Variants in CD48 observed in about 807,000 individuals in gnomAD.
The protein encoded by CD48 is CD48 antigen.
A neutral mutation model predicts 22.0 loss-of-function variants in CD48; 20 were observed. The observed-to-expected ratio is 0.91, with a 90% confidence interval of 0.64 to 1.32. CD48 has a LOEUF of 1.32. Ranked by LOEUF, CD48 falls within the 40% of genes most tolerant of loss-of-function variation. The pLI, the probability that CD48 is intolerant of heterozygous loss-of-function variation, is 0.00. For missense variants in CD48, 307 were observed against 286.5 expected, an observed-to-expected ratio of 1.07 and a Z score of -0.52; for synonymous variants, 110 against 110.1, an observed-to-expected ratio of 1.00 and a Z score of 0.01.
intron 1 of CD48, among the ~76,000 whole-genome samples, chr1:160,694,569 G>A (rs1055551718): frequency 6.6e-6 from 1 of 152,050 alleles, no homozygotes; most frequent in Non-Finnish European, 1.5e-5. Flanking sequence ...CTGTGGGGTC[G>A]AGATTTGTTA....
chr1:160,689,608 A>G (rs1406664302), intron 1 of CD48, among the ~76,000 whole-genome samples: 1 of 152,198 alleles, frequency 6.6e-6, no homozygotes, highest in African/African-American at 2.4e-5. Context: ...GATTAGTTAG[A>G]TGGGTCTCCA....
At chr1:160,690,436 C>T (rs568993014) in intron 1 of CD48, among the ~76,000 whole-genome samples, 10 of 152,234 alleles carry the variant, frequency 6.6e-5, no homozygotes, top group East Asian at 1.9e-4. Context: ...TTTGGAAGTA[C>T]GAAGACCTGG....
chr1:160,688,671 G>A (rs1385215481), intron 1 of CD48, among the ~76,000 whole-genome samples: 3 of 152,120 alleles, frequency 2.0e-5, no homozygotes, highest in South Asian at 2.1e-4. Context: ...TCCAGACATG[G>A]CAATAGCCAA....
intron 1 of CD48, among the ~76,000 whole-genome samples, chr1:160,706,165 C>G (rs749358723): frequency 2.0e-5 from 3 of 152,066 alleles, no homozygotes; most frequent in Non-Finnish European, 4.4e-5. Flanking sequence ...ACCTCCACCC[C>G]CCAGGTTCAA....
At chr1:160,706,956 A>G (rs987201720) in intron 1 of CD48, among the ~76,000 whole-genome samples, 1 of 152,234 alleles carries the variant, frequency 6.6e-6, no homozygotes, top group Non-Finnish European at 1.5e-5. Context: ...AATAAAAATA[A>G]TAAAAACAAA....
At chr1:160,681,136 C>A (rs771834935) in intron 3 of CD48, 66 bp downstream of exon 3, 2 of 1,612,448 alleles carry the variant, frequency 1.2e-6, no homozygotes, top group Non-Finnish European at 1.7e-6. Flanking sequence ...GGACCCCCAG[C>A]CTTTCTTTGT....
At position 160,684,967 on chromosome 1, in the gene CD48, T is replaced by A. The variant is rs1191142357; in HGVS notation, c.305A>T (p.Glu102Val). ...CCTCATGATGTAGGTGCTGTTGTCC[T>A]CTTTCTGGACCTTAGAGATGTACAG... is the stretch of plus-strand genomic sequence containing the variant. Reference protein sequence around the residue: ...GALYISKVQKEDNSTYIMRVL... With the variant: ...GALYISKVQKVDNSTYIMRVL... Residue 102 changes from glutamate to valine, a missense_variant, in exon 2 of 4, where the codon GAG becomes GTG. Transcript: ENST00000368046. 6.2e-7 allele frequency: 1 copy of A among 1,614,182 alleles called. No homozygotes were observed. Among genetic ancestry groups the A allele is most frequent in the South Asian group, 1.1e-5 (1 of 91,084 alleles).
At chr1:160,690,063 T>C (rs947056341) in intron 1 of CD48, among the ~76,000 whole-genome samples, 1 of 152,160 alleles carries the variant, frequency 6.6e-6, no homozygotes, top group Non-Finnish European at 1.5e-5. Context: ...TTTGGACAAT[T>C]GGGTTTTTAA....
At chr1:160,691,796 ACTC>A (rs1465686152) in intron 1 of CD48, 5 of 338,632 alleles carry the variant, frequency 1.5e-5, no homozygotes, top group African/African-American at 2.2e-5. Flanking sequence ...GTGAAGGTAC[ACTC>A]GAGCGTGGTC....
At chr1:160,684,563 T>G in intron 2 of CD48, 1 of 623,490 alleles carries the variant, frequency 1.6e-6, no homozygotes, top group Non-Finnish European at 2.7e-6. Context: ...ATTTCGGAGA[T>G]ATAATCAAGA....
intron 1 of CD48, among the ~76,000 whole-genome samples, chr1:160,697,372 T>G (rs1168412835): frequency 6.6e-6 from 1 of 152,400 alleles, no homozygotes; most frequent in East Asian, 1.9e-4. Flanking sequence ...TAGAAGTATA[T>G]GTTAATGATA....
At chr1:160,698,859 C>T (rs911122729) in intron 1 of CD48, 1 of 152,562 alleles carries the variant, frequency 6.6e-6, no homozygotes, top group Non-Finnish European at 1.5e-5. Context: ...GATGGCCTCG[C>T]AAATCTTAAC....
chr1:160,706,642 A>T (rs141821201), intron 1 of CD48, among the ~76,000 whole-genome samples: 3 of 152,216 alleles, frequency 2.0e-5, no homozygotes, highest in African/African-American at 7.2e-5. Context: ...ATTTGGTGAT[A>T]TGTCTGGATG....
At chr1:160,693,963 C>G (rs187972668) in intron 1 of CD48, among the ~76,000 whole-genome samples, 293 of 152,334 alleles carry the variant, frequency 1.9e-3, no homozygotes, top group East Asian at 0.016. Flanking sequence ...GATTTATGTA[C>G]TATACAAGCA....
intron 1 of CD48, among the ~76,000 whole-genome samples, chr1:160,686,452 G>C (rs1467298397): frequency 1.3e-5 from 2 of 152,212 alleles, no homozygotes; most frequent in Non-Finnish European, 2.9e-5. Context: ...TGGAGGAGAT[G>C]ACCACTAGGG....
At chr1:160,681,072 G>A (rs1318912416) in intron 3 of CD48, 130 bp downstream of exon 3, 1 of 1,532,690 alleles carries the variant, frequency 6.5e-7, no homozygotes, top group African/African-American at 1.4e-5. Flanking sequence ...ACGTCTCCCA[G>A]CTCTCCCAGA....
At chr1:160,710,140 C>A (rs1662906352) in intron 1 of CD48, among the ~76,000 whole-genome samples, 1 of 152,124 alleles carries the variant, frequency 6.6e-6, no homozygotes, top group Non-Finnish European at 1.5e-5. Flanking sequence ...ACACATTGAC[C>A]TTCACCAAGA....
intron 1 of CD48, among the ~76,000 whole-genome samples, chr1:160,707,310 A>T (rs889996203): frequency 6.6e-6 from 1 of 152,238 alleles, no homozygotes; most frequent in Non-Finnish European, 1.5e-5. Flanking sequence ...GTAAAGGGTC[A>T]TGAAAAAGTA....
At chr1:160,701,761 G>A (rs762649055) in intron 1 of CD48, among the ~76,000 whole-genome samples, 1 of 152,146 alleles carries the variant, frequency 6.6e-6, no homozygotes, top group Non-Finnish European at 1.5e-5. Context: ...AATGTGCTCT[G>A]ATAAATTTCC....
Sources: gnomAD v4.1 joint callset for allele counts (sites outside exome capture counted in the v4.1 genomes callset) on GRCh38, gnomAD v4.1.1 for gene constraint, MANE v1.5 for transcripts, NCBI Gene and HGNC (gene_info 2026-07-23, HGNC 2026-07-21) for gene names.